VWA5B1: variants seen among roughly 807,000 people sequenced by gnomAD.
The protein encoded by VWA5B1 is von Willebrand factor A domain containing 5B1, also known as von Willebrand factor A domain-containing protein 5B1.
A neutral mutation model predicts 118.2 loss-of-function variants in VWA5B1; 115 were observed. The ratio of observed to expected loss-of-function variants is 0.97; its 90% CI spans 0.84 to 1.14. The LOEUF (loss-of-function observed/expected upper bound fraction) is 1.14, where lower values mean the gene tolerates loss of function less well. VWA5B1 is among the 50% of genes most tolerant of loss of function. The pLI, the probability that VWA5B1 is intolerant of heterozygous loss-of-function variation, is 0.00. For synonymous variants in VWA5B1, 682 were observed against 658.4 expected, an observed-to-expected ratio of 1.04 and a Z score of -0.55; for missense variants, 1,596 against 1,603.8, an observed-to-expected ratio of 1.00 and a Z score of 0.08.
In VWA5B1 at chr1:20,358,433, C is replaced by T. The variant is rs1466015505; in HGVS notation, c.*4170C>T. On this transcript the variant is annotated 3_prime_UTR_variant, in exon 22 of 22. Transcript: ENST00000289815. ...CCCCTTCTCTCTTCCTTGGCAGGGACTCCCCATGAGAGGGAAGGAGGAAAG... is the reference window on the plus strand; with the variant it reads ...CCCCTTCTCTCTTCCTTGGCAGGGATTCCCCATGAGAGGGAAGGAGGAAAG... Among the ~76,000 whole-genome samples, 1 of 152,206 alleles carries T rather than the reference C, an allele frequency of 6.6e-6. No individual in the cohort carries two copies. Among genetic ancestry groups the T allele is most frequent in the Non-Finnish European group, 1.5e-5 (1 of 68,046 alleles).
intron 1 of VWA5B1, among the ~76,000 whole-genome samples, chr1:20,291,359 T>TTCTCTCTCTCTCTCTCTC (rs67596546): frequency 1.3e-4 from 13 of 103,406 alleles, no homozygotes; most frequent in African/African-American, 4.0e-4. Context: ...CTTTCTTTCT[T>TTCTCTCTCTCTCTCTCTC]TCTCTCTCTC....
rs6661104 is a variant in VWA5B1, at chr1:20,311,544, A to C, written c.139+804A>C. 9.8e-3 allele frequency among the ~76,000 whole-genome samples: 1,490 copies of C among 152,334 alleles called. 27 individuals carry two copies. Among genetic ancestry groups the C allele is most frequent in the African/African-American group, 0.034 (1,398 of 41,568 alleles). Reference sequence around the variant, plus strand: ...TTGTGGACTGAGAAACCATCTGTGAATATGAACCACGGTCAGGGATGTGGA... The same window carrying C: ...TTGTGGACTGAGAAACCATCTGTGACTATGAACCACGGTCAGGGATGTGGA... On this transcript the variant is annotated intron_variant, in intron 2 of 21. Transcript: ENST00000289815.
In VWA5B1 at chr1:20,357,289, C is replaced by T. The variant is rs1002843266; in HGVS notation, c.*3026C>T. On this transcript the variant is annotated 3_prime_UTR_variant, in exon 22 of 22. Transcript: ENST00000289815. ...CCCTGTTTCATCTTTTGTGGAATGA[C>T]GGGGGTTCACAAGATCAGCATTTCC... Among the ~76,000 whole-genome samples the T allele has an allele frequency of 6.6e-5, 10 of 152,186 alleles. No individual in the cohort carries two copies. The highest frequency in any genetic ancestry group is 1.9e-4 in the African/African-American group (8 of 41,434).
Position 20,345,481 on chromosome 1 carries a change from C to G in VWA5B1, c.2652C>G (p.Ser884Arg), listed in dbSNP as rs766432055. ...EQGSNRRYQV[S>R]ALHTSKACNI... ...GGTCCAACCGCCGCTACCAAGTGAG[C>G]GCCTTGCACACCAGCAAGGCCTGCA... The change falls in exon 17 of 22, where the codon AGC becomes AGG. Residue 884 changes from serine to arginine, a missense_variant. By Grantham distance (110) the Ser-to-Arg change is moderately radical (BLOSUM62 -1). Transcript: ENST00000289815. 5.2e-6 allele frequency: 8 copies of G among 1,551,058 alleles called. No homozygotes were observed. Among genetic ancestry groups the G allele is most frequent in the Non-Finnish European group, 7.0e-6 (8 of 1,146,998 alleles).
rs192000450 is a variant in VWA5B1, at chr1:20,329,936, A to T, written c.1255-244A>T. Among the ~76,000 whole-genome samples, 20 of 152,292 alleles carry T rather than the reference A, an allele frequency of 1.3e-4. No individual in the cohort carries two copies. The East Asian group carries it at 3.9e-3, about 29-fold the overall frequency. ...GTTCCAGGAGTGCTTCTATTTTTAA[A>T]GGAGAACCCGGAAAGGACAACTGGT... On this transcript the variant is annotated intron_variant, in intron 9 of 21. Coordinates refer to ENST00000289815, the MANE Select transcript of VWA5B1 (RefSeq NM_001039500.3).
At chr1:20,344,690 A>C (rs1362762831) in intron 16 of VWA5B1, among the ~76,000 whole-genome samples, 1 of 152,168 alleles carries the variant, frequency 6.6e-6, no homozygotes, top group Admixed American at 6.5e-5. Flanking sequence ...TATAAATATA[A>C]ATAGAGAACG....
rs563937572 is a variant in VWA5B1, at chr1:20,352,128, G to C, written c.3097G>C (p.Val1033Leu). ...CCTGAGCAAGCCACTGATCAAAGCT[G>C]TGGAGTCGACCTCCGGGAACCAGAG... ...GFLSKPLIKAVESTSGNQSFD... is the reference protein window; with the variant it reads ...GFLSKPLIKALESTSGNQSFD... The change falls in exon 21 of 22, where the codon GTG (valine) becomes CTG (leucine). Residue 1033 changes from valine to leucine, a missense_variant. Coordinates refer to ENST00000289815, the MANE Select transcript of VWA5B1 (RefSeq NM_001039500.3). The C allele has an allele frequency of 6.4e-7, 1 of 1,551,446 alleles. No homozygotes were observed. Among genetic ancestry groups the C allele is most frequent in the East Asian group, 2.4e-5 (1 of 40,908 alleles).
intron 1 of VWA5B1, among the ~76,000 whole-genome samples, chr1:20,299,589 A>G (rs1442671320): frequency 1.3e-5 from 2 of 152,134 alleles, no homozygotes; most frequent in African/African-American, 2.4e-5. Context: ...GTTTTAGTAA[A>G]GGCGGGGTTT....
rs1178657314 is a variant in VWA5B1 at position 20,354,287 on chromosome 1, G to C, written c.*24G>C. 6.7e-7 allele frequency: 1 copy of C among 1,501,500 alleles called. No homozygotes were observed. Among genetic ancestry groups the C allele is most frequent in the Non-Finnish European group, 9.0e-7 (1 of 1,114,198 alleles). 93.0% of individuals were successfully genotyped at this position (1,501,500 alleles called of 1,614,324 possible). On this transcript the variant is annotated 3_prime_UTR_variant, in exon 22 of 22. Coordinates refer to ENST00000289815, the MANE Select transcript of VWA5B1 (RefSeq NM_001039500.3). The stretch of plus-strand genomic sequence containing the variant: ...AGTTGAGTGACGGGGAGGCTGGGTG[G>C]AGGGAAGGGTGGGGAGGAGAGGGAT...
In VWA5B1 at chr1:20,354,084, T is replaced by C; in HGVS notation, c.3469T>C (p.Phe1157Leu). The change falls in exon 22 of 22, where the codon TTC becomes CTC. Residue 1157 changes from phenylalanine (F) to leucine (L), a missense_variant. Transcript: ENST00000289815. ...GCTGGAGCACAGTTCGGCCTCCTACTTCACTGAGTGGGAGTTGGTGGCTGC... is the reference window on the plus strand; with the variant it reads ...GCTGGAGCACAGTTCGGCCTCCTACCTCACTGAGTGGGAGTTGGTGGCTGC... ...AWLEHSSASY[F>L]TEWELVAAKA... 5.2e-6 allele frequency: 8 copies of C among 1,551,516 alleles called. No homozygotes were observed. The highest frequency in any genetic ancestry group is 7.0e-6 in the Non-Finnish European group (8 of 1,146,982).
intron 1 of VWA5B1, among the ~76,000 whole-genome samples, chr1:20,292,994 G>A (rs930733399): frequency 1.3e-5 from 2 of 152,212 alleles, no homozygotes; most frequent in Non-Finnish European, 1.5e-5. Flanking sequence ...AGAAAATGGG[G>A]TGAAGACCAG....
At chr1:20,335,237 C>T (rs984864546) in intron 12 of VWA5B1, among the ~76,000 whole-genome samples, 1 of 152,190 alleles carries the variant, frequency 6.6e-6, no homozygotes, top group Non-Finnish European at 1.5e-5. Context: ...ATTGCTCAAG[C>T]CCAGGAGTTG....
At chr1:20,350,084 T>A in intron 18 of VWA5B1, 72 bp from the exon 19 acceptor site, 4 of 1,455,204 alleles carry the variant, frequency 2.7e-6, no homozygotes, top group Non-Finnish European at 3.8e-6. Context: ...AATTAGACCA[T>A]TGCTCTCCTG....
At chr1:20,326,846 C>G (rs557297069) in intron 8 of VWA5B1, among the ~76,000 whole-genome samples, 2 of 152,266 alleles carry the variant, frequency 1.3e-5, no homozygotes, top group East Asian at 3.9e-4. Flanking sequence ...ATCTGTAAAG[C>G]AGGGTTATTA....
At chr1:20,310,317 G>C (rs1163276528) in intron 1 of VWA5B1, among the ~76,000 whole-genome samples, 1 of 152,156 alleles carries the variant, frequency 6.6e-6, no homozygotes, top group Non-Finnish European at 1.5e-5. Flanking sequence ...CCAACGCTTT[G>C]AGTGAATCCC....
At chr1:20,314,247 A>G in intron 3 of VWA5B1, 75 bp from the exon 4 acceptor site, 3 of 1,468,240 alleles carry the variant, frequency 2.0e-6, no homozygotes, top group Non-Finnish European at 2.8e-6. Flanking sequence ...GGCCACTCAC[A>G]CTTACCACAA....
At chr1:20,340,365 A>AG (rs2100978249) in intron 14 of VWA5B1, among the ~76,000 whole-genome samples, 1 of 152,248 alleles carries the variant, frequency 6.6e-6, no homozygotes, top group East Asian at 1.9e-4. Context: ...CAAGGAGCAG[A>AG]GGGTAGGGAT....
rs2072752 is a variant in VWA5B1 at position 20,330,331 on chromosome 1, A to G, written c.1406A>G (p.Asn469Ser). 0.19 allele frequency: 287,672 copies of G among 1,551,656 alleles called. 29,211 individuals carry two copies. Among genetic ancestry groups the G allele is most frequent in the East Asian group, 0.39 (16,122 of 40,882 alleles). ...LLFVITDGAV[N>S]NTGKVLELVR... is the part of the protein sequence containing the mutation. ...TTCGTGATCACAGATGGCGCTGTCA[A>G]CAACACAGGGAAGGTGCTGGAGCTG... The change falls in exon 10 of 22, where the codon AAC (asparagine) becomes AGC (serine). Residue 469 changes from asparagine to serine, a missense_variant. Coordinates refer to ENST00000289815, the MANE Select transcript of VWA5B1 (RefSeq NM_001039500.3).
At chr1:20,350,029 G>A (rs2090094563) in intron 18 of VWA5B1, 127 bp from the exon 19 acceptor site, 5 of 896,784 alleles carry the variant, frequency 5.6e-6, no homozygotes, top group South Asian at 1.5e-5. Context: ...CCGAGCAGGG[G>A]TGGAAACCCT....
Sources: gnomAD v4.1 joint callset for allele counts (sites outside exome capture counted in the v4.1 genomes callset) on GRCh38, gnomAD v4.1.1 for gene constraint, MANE v1.5 for transcripts, NCBI Gene and HGNC (gene_info 2026-07-23, HGNC 2026-07-21) for gene names.